Variants in EYS observed in about 807,000 individuals in gnomAD.
The protein encoded by EYS is EGF-like photoreceptor maintenance factor.
Under a neutral mutation model 282.1 loss-of-function variants are expected in EYS, and 250 were observed. The ratio of observed to expected loss-of-function variants is 0.89; its 90% CI spans 0.80 to 0.98. The LOEUF (loss-of-function observed/expected upper bound fraction) is 0.98. Ranked by LOEUF, EYS falls within the 50% of genes least tolerant of loss-of-function variation. EYS has a pLI of 0.00. For synonymous variants in EYS, 1,355 were observed against 1,282.9 expected (o/e 1.06, Z -1.20); for missense variants, 4,016 against 3,709.0 (o/e 1.08, Z -2.15).
intron 13 of EYS, among the ~76,000 whole-genome samples, chr6:65,003,683 G>A (rs1443861689): frequency 6.8e-6 from 1 of 146,818 alleles, no homozygotes; most frequent in Non-Finnish European, 1.5e-5. Flanking sequence ...TCTCTCTTTT[G>A]TACTCTGTCC....
chr6:65,454,225 T>C (rs1323382415), intron 5 of EYS, among the ~76,000 whole-genome samples: 2 of 151,738 alleles, frequency 1.3e-5, no homozygotes, highest in African/African-American at 4.8e-5. Flanking sequence ...TAGAGTAAAG[T>C]GGTATTTCAT....
In EYS at chr6:65,494,880, A is replaced by C; in HGVS notation, c.531T>G (p.Ser177=). The C allele has an allele frequency of 6.2e-7, 1 of 1,614,046 alleles. No homozygotes were observed. Among genetic ancestry groups the C allele is most frequent in the Non-Finnish European group, 8.5e-7 (1 of 1,179,900 alleles). ...GACCAGAGCAAAATTCTGAACTCAGAGATTCCTGGCAGAACTGCTGTTTCA... is the reference window on the plus strand; with the variant it reads ...GACCAGAGCAAAATTCTGAACTCAGCGATTCCTGGCAGAACTGCTGTTTCA... ...VTVKQQFCQE[S]LSSEFCSGHG... is the part of the protein sequence containing the mutation. Residue 177 remains serine (S), a synonymous_variant, in exon 4 of 43, where the codon TCT becomes TCG. Transcript: ENST00000503581.
intron 26 of EYS, among the ~76,000 whole-genome samples, chr6:64,581,924 A>G (rs1035518165): frequency 2.0e-5 from 3 of 152,190 alleles, no homozygotes; most frequent in Non-Finnish European, 2.9e-5. Context: ...AATAGGATTA[A>G]GTAGGTCTGA....
At chr6:65,611,077 T>C (rs1765982426) in intron 2 of EYS, among the ~76,000 whole-genome samples, 1 of 152,050 alleles carries the variant, frequency 6.6e-6, no homozygotes, top group Admixed American at 6.6e-5. Flanking sequence ...GGCTTGATAA[T>C]TTAATAAATT....
intron 5 of EYS, among the ~76,000 whole-genome samples, chr6:65,457,167 TTA>T (rs1364044080): frequency 6.1e-5 from 9 of 148,752 alleles, no homozygotes; most frequent in South Asian, 2.1e-4. Context: ...TTGTTGTGTT[TTA>T]TTTATTTATT....
chr6:65,054,948 T>C (rs943111219), intron 13 of EYS, among the ~76,000 whole-genome samples: 15 of 150,520 alleles, frequency 1.0e-4, no homozygotes, highest in Non-Finnish European at 4.4e-5. Context: ...TATTTTGGTT[T>C]GGTTTTGGTT....
chr6:65,375,507 A>C (rs746075471), intron 8 of EYS, among the ~76,000 whole-genome samples: 8 of 152,102 alleles, frequency 5.3e-5, no homozygotes, highest in Non-Finnish European at 1.0e-4. Flanking sequence ...ACTCCTCTCC[A>C]GCAAGGGCAC....
At chr6:65,360,919 A>G (rs565035018) in intron 8 of EYS, among the ~76,000 whole-genome samples, 1 of 152,208 alleles carries the variant, frequency 6.6e-6, no homozygotes, top group Non-Finnish European at 1.5e-5. Flanking sequence ...ATGTATTGGG[A>G]TAGACATGAA....
At chr6:65,033,014 T>C (rs550431583) in intron 13 of EYS, among the ~76,000 whole-genome samples, 23 of 152,318 alleles carry the variant, frequency 1.5e-4, no homozygotes, top group Non-Finnish European at 2.8e-4. Flanking sequence ...ACATGTGTTA[T>C]GCCCTAGCAA....
chr6:65,169,390 A>G (rs952063892), intron 12 of EYS, among the ~76,000 whole-genome samples: 1 of 151,492 alleles, frequency 6.6e-6, no homozygotes, highest in Non-Finnish European at 1.5e-5. Context: ...GTTTGCATAA[A>G]TATTTAATTG....
chr6:65,439,894 A>C (rs1265094013), intron 5 of EYS, among the ~76,000 whole-genome samples: 1 of 152,098 alleles, frequency 6.6e-6, no homozygotes, highest in Non-Finnish European at 1.5e-5. Flanking sequence ...ACAGCAGCTG[A>C]TAAAAGACAA....
At chr6:65,609,654 T>C (rs1175495018) in intron 2 of EYS, among the ~76,000 whole-genome samples, 1 of 152,166 alleles carries the variant, frequency 6.6e-6, no homozygotes, top group Non-Finnish European at 1.5e-5. Context: ...CTTTATCAGA[T>C]ATCTAACATG....
At chr6:64,110,385 G>A (rs1383029239) in intron 31 of EYS, among the ~76,000 whole-genome samples, 2 of 151,978 alleles carry the variant, frequency 1.3e-5, no homozygotes. Context: ...TAGGCACTGA[G>A]GGGATGGATA....
intron 42 of EYS, among the ~76,000 whole-genome samples, chr6:63,726,086 G>C (rs1768603601): frequency 6.6e-6 from 1 of 152,024 alleles, no homozygotes; most frequent in African/African-American, 2.4e-5. Flanking sequence ...AAGCATTTCA[G>C]AACACAAATC....
intron 31 of EYS, among the ~76,000 whole-genome samples, chr6:64,162,135 C>T (rs192595974): frequency 9.6e-4 from 146 of 152,194 alleles, no homozygotes; most frequent in African/African-American, 3.3e-3. Flanking sequence ...CTTCCACCCA[C>T]GTAAAAGGGT....
intron 8 of EYS, among the ~76,000 whole-genome samples, chr6:65,355,789 T>A (rs1764457204): frequency 6.6e-6 from 1 of 152,016 alleles, no homozygotes; most frequent in South Asian, 2.1e-4. Flanking sequence ...CATCATCTTA[T>A]ACCAATCAGA....
intron 22 of EYS, among the ~76,000 whole-genome samples, chr6:64,803,384 G>A (rs189191658): frequency 2.0e-5 from 3 of 151,762 alleles, no homozygotes; most frequent in Non-Finnish European, 4.4e-5. Flanking sequence ...TGTGTGTGGG[G>A]GGGTTGGTTT....
intron 31 of EYS, among the ~76,000 whole-genome samples, chr6:64,159,463 A>G (rs1002056964): frequency 3.3e-5 from 5 of 150,912 alleles, no homozygotes; most frequent in Middle Eastern, 3.2e-3. Context: ...AGGAGGCTGA[A>G]GCAGGACAAT....
intron 1 of EYS, among the ~76,000 whole-genome samples, chr6:65,662,461 G>A (rs188766625): frequency 4.6e-4 from 70 of 152,234 alleles, no homozygotes; most frequent in Non-Finnish European, 7.4e-4. Flanking sequence ...AGACATCGAT[G>A]TTAAATAAAA....
Sources: gnomAD v4.1 joint callset for allele counts (sites outside exome capture counted in the v4.1 genomes callset) on GRCh38, gnomAD v4.1.1 for gene constraint, MANE v1.5 for transcripts, NCBI Gene and HGNC (gene_info 2026-07-23, HGNC 2026-07-21) for gene names.